The following DMAC2 variants were observed in gnomAD, a reference collection of about 807,000 sequenced individuals.
DMAC2 encodes the protein distal membrane arm assembly component 2.
A neutral mutation model predicts 29.6 loss-of-function variants in DMAC2; 32 were observed. That is an observed-to-expected ratio of 1.08 (90% CI 0.81 to 1.45). DMAC2 has a LOEUF of 1.45. Ranked by LOEUF, DMAC2 falls within the 40% of genes most tolerant of loss-of-function variation. The pLI is 0.00. For missense variants in DMAC2, 319 were observed against 340.0 expected, an observed-to-expected ratio of 0.94 and a Z score of 0.49; for synonymous variants, 133 against 137.4, an observed-to-expected ratio of 0.97 and a Z score of 0.23.
intron 3 of DMAC2, among the ~76,000 whole-genome samples, chr19:41,434,222 G>A (rs1272171524): frequency 3.3e-5 from 5 of 150,058 alleles, no homozygotes; most frequent in Admixed American, 6.6e-5. Flanking sequence ...GTGACAGAGC[G>A]AGACTCCATC....
chr19:41,432,412 A>G lies in DMAC2; in HGVS notation c.597-4T>C, dbSNP rs1555769317. The stretch of plus-strand genomic sequence containing the variant: ...GATGTCCAGCCTGCGGAGGTTCCTG[A>G]AAAGGGGTGAGAAGGACAGGAAGCC... On this transcript the variant is annotated splice_region_variant and splice_polypyrimidine_tract_variant and intron_variant, in intron 5 of 5. Coordinates refer to ENST00000221943, the MANE Select transcript of DMAC2 (RefSeq NM_018035.3). 1.2e-6 allele frequency: 2 copies of G among 1,613,064 alleles called. No individual in the cohort carries two copies. The highest frequency in any genetic ancestry group is 1.7e-6 in the Non-Finnish European group (2 of 1,179,838).
chr19:41,436,355 C>T (rs782255929), intron 3 of DMAC2, 37 bp downstream of exon 3: 1 of 1,586,934 alleles, frequency 6.3e-7, no homozygotes, highest in Non-Finnish European at 8.7e-7. Flanking sequence ...TACCCCACCA[C>T]CTGCCCCAGC....
intron 3 of DMAC2, among the ~76,000 whole-genome samples, chr19:41,434,444 C>G (rs949795808): frequency 1.3e-5 from 2 of 148,816 alleles, no homozygotes; most frequent in Admixed American, 6.7e-5. Flanking sequence ...TTTTACATAC[C>G]TAGAAACTGA....
At chr19:41,435,284 T>C (rs2039798545) in intron 3 of DMAC2, among the ~76,000 whole-genome samples, 1 of 152,002 alleles carries the variant, frequency 6.6e-6, no homozygotes, top group Non-Finnish European at 1.5e-5. Context: ...ATTATTATTA[T>C]TTTGAGACAG....
Position 41,431,767 on chromosome 19 carries a change from G to A in DMAC2, c.*464C>T. 1 of 230,584 alleles carries A rather than the reference G, an allele frequency of 4.3e-6. No individual in the cohort carries two copies. The highest frequency in any genetic ancestry group is 6.0e-5 in the South Asian group (1 of 16,600). 14.3% of individuals were successfully genotyped at this position (230,584 alleles called of 1,614,324 possible). A position where few individuals can be genotyped will look rare whatever the true frequency, so the allele number is the denominator to read the frequency against. On this transcript the variant is annotated 3_prime_UTR_variant, in exon 6 of 6. Transcript: ENST00000221943. ...ATACTATGGGGCCTGGGGTGCGCTG[G>A]CCTTTAGTGAGTGGAGTGGGGCGAA...
In DMAC2 at chr19:41,432,653, C is replaced by CGTGTGT. The variant is rs782279895; in HGVS notation, c.597-251_597-246dup. The CGTGTGT allele has an allele frequency of 0.011, 2,317 of 220,648 alleles. 139 individuals carry two copies. The African/African-American group carries it at 0.11, about 11-fold the overall frequency. The allele number at this position is 220,648 out of a possible 1,614,324, so 13.7% of individuals were successfully genotyped here. On this transcript the variant is annotated intron_variant, in intron 5 of 5. Coordinates refer to ENST00000221943, the MANE Select transcript of DMAC2 (RefSeq NM_018035.3). ...GTGTGTGTAGGGAGGTACAGGACAGCGTGTGTGTGTGTGTGTGTGTGTGTA... is the reference window on the plus strand; with the variant it reads ...GTGTGTGTAGGGAGGTACAGGACAGCGTGTGTGTGTGTGTGTGTGTGTGTGTGTGTA...
At chr19:41,433,187 T>C (rs938953158) in intron 5 of DMAC2, 85 bp downstream of exon 5, 10 of 1,426,528 alleles carry the variant, frequency 7.0e-6, no homozygotes, top group African/African-American at 1.4e-5. Context: ...CTGCCTAACA[T>C]TGCCCCTCCC....
At chr19:41,437,472 G>C (rs1555771590) in intron 2 of DMAC2, among the ~76,000 whole-genome samples, 1 of 152,242 alleles carries the variant, frequency 6.6e-6, no homozygotes, top group Non-Finnish European at 1.5e-5. Context: ...ACCGAGGCAG[G>C]CGGATCACCT....
At position 41,432,674 on chromosome 19, in the gene DMAC2, G is replaced by GTGTGTGTGTGTGTGTGTA. The variant is rs1349870222; in HGVS notation, c.597-267_597-266insTACACACACACACACACA. The GTGTGTGTGTGTGTGTGTA allele has an allele frequency of 1.3e-3, 461 of 366,000 alleles. 16 individuals carry two copies. Among genetic ancestry groups the GTGTGTGTGTGTGTGTGTA allele is most frequent in the East Asian group, 0.01 (146 of 14,322 alleles). 22.7% of individuals were successfully genotyped at this position (366,000 alleles called of 1,614,324 possible). On this transcript the variant is annotated intron_variant, in intron 5 of 5. Coordinates refer to ENST00000221943, the MANE Select transcript of DMAC2 (RefSeq NM_018035.3). The stretch of plus-strand genomic sequence containing the variant: ...ACAGCGTGTGTGTGTGTGTGTGTGT[G>GTGTGTGTGTGTGTGTGTA]TGTATAGGGAGATAAGCCAGTATAA...
chr19:41,439,491 C>T (rs1555772330), intron 1 of DMAC2: 16 of 1,537,158 alleles, frequency 1.0e-5, no homozygotes, highest in African/African-American at 1.4e-5. Flanking sequence ...CTTCGGTCTT[C>T]TAAGACCAAA....
intron 3 of DMAC2, among the ~76,000 whole-genome samples, chr19:41,434,800 T>A (rs1027892385): frequency 1.1e-4 from 17 of 151,804 alleles, no homozygotes; most frequent in Non-Finnish European, 2.2e-4. Flanking sequence ...AGGTCAGGGG[T>A]TGGAGACCAG....
intron 3 of DMAC2, among the ~76,000 whole-genome samples, chr19:41,435,419 C>T (rs1024056785): frequency 4.6e-5 from 7 of 152,126 alleles, no homozygotes; most frequent in East Asian, 3.9e-4. Flanking sequence ...TACAGGCGTG[C>T]GCCACCATGC....
intron 2 of DMAC2, 130 bp from the exon 3 acceptor site, chr19:41,436,602 T>G (rs970921991): frequency 9.3e-6 from 7 of 755,842 alleles, no homozygotes; most frequent in Non-Finnish European, 1.6e-5. Flanking sequence ...GCTGAAAATA[T>G]TTATTGCCCA....
intron 3 of DMAC2, among the ~76,000 whole-genome samples, chr19:41,434,321 T>C (rs1345049745): frequency 3.5e-5 from 5 of 144,718 alleles, no homozygotes; most frequent in African/African-American, 5.2e-5. Flanking sequence ...GGTGGGAGGA[T>C]AGCTTGAACC....
intron 5 of DMAC2, chr19:41,432,861 T>TGTGC (rs1241690435): frequency 7.8e-6 from 4 of 511,294 alleles, no homozygotes; most frequent in African/African-American, 4.1e-5. Flanking sequence ...GGACAGTGTG[T>TGTGC]GTGCGTGCGT....
intron 3 of DMAC2, among the ~76,000 whole-genome samples, chr19:41,435,869 C>CTTTTTTTTT (rs782272339): frequency 4.2e-5 from 6 of 142,192 alleles, no homozygotes; most frequent in African/African-American, 1.5e-4. Context: ...TCCGTTCAGT[C>CTTTTTTTTT]TTTTTTTTTT....
intron 3 of DMAC2, among the ~76,000 whole-genome samples, chr19:41,436,166 G>A (rs546547816): frequency 8.2e-4 from 125 of 152,298 alleles, no homozygotes; most frequent in South Asian, 1.9e-3. Context: ...GTGAGCCACC[G>A]TGCCCGGCCC....
intron 5 of DMAC2, chr19:41,432,795 T>C (rs956438133): frequency 2.2e-4 from 106 of 482,678 alleles, no homozygotes; most frequent in Middle Eastern, 5.8e-4. Flanking sequence ...TGTGTGTGTG[T>C]GTGTGTGTGT....
Position 41,438,536 on chromosome 19 carries a change from CCTTCAAAA to C in DMAC2, c.19-130_19-123del, listed in dbSNP as rs547352055. The C allele has an allele frequency of 7.4e-4, 622 of 838,298 alleles. 2 individuals carry two copies. Among genetic ancestry groups the C allele is most frequent in the South Asian group, 4.3e-3 (195 of 44,968 alleles). The allele number at this position is 838,298 out of a possible 1,614,324, so 51.9% of individuals were successfully genotyped here. On this transcript the variant is annotated intron_variant, in intron 1 of 5. Coordinates refer to ENST00000221943, the MANE Select transcript of DMAC2 (RefSeq NM_018035.3). ...GCTTCCCAACTCACCCTAAGTTCTTCCTTCAAAACTTCAAAACTGTCTTTGAGATTCCA... is the reference window on the plus strand; with the variant it reads ...GCTTCCCAACTCACCCTAAGTTCTTCCTTCAAAACTGTCTTTGAGATTCCA...
Sources: gnomAD v4.1 joint callset for allele counts (sites outside exome capture counted in the v4.1 genomes callset) on GRCh38, gnomAD v4.1.1 for gene constraint, MANE v1.5 for transcripts, NCBI Gene and HGNC (gene_info 2026-07-23, HGNC 2026-07-21) for gene names.